The following PRDM10 variants were observed in gnomAD, a reference collection of about 807,000 sequenced individuals.
The protein encoded by PRDM10 is PR/SET domain 10.
A neutral mutation model predicts 133.1 loss-of-function variants in PRDM10; 65 were observed. The observed-to-expected ratio is 0.49, with a 90% CI of 0.40 to 0.60. The LOEUF is 0.60. Among genes scored for constraint, PRDM10 ranks in the 20% least tolerant of loss-of-function variants. The pLI, the probability that PRDM10 is intolerant of heterozygous loss-of-function variation, is 0.00. For missense variants in PRDM10, 1,137 were observed against 1,507.1 expected (o/e 0.75, Z 4.07); for synonymous variants, 582 against 580.4 (o/e 1.00, Z -0.04).
Position 129,967,002 on chromosome 11 carries a change from T to C in PRDM10, c.-118-5920A>G, listed in dbSNP as rs553737496. Reference sequence around the variant, plus strand: ...TATTTCTCTTTATATTTTCCCTCTTTTGTATGCCAAAGAGTGATATGATAA... The same window carrying C: ...TATTTCTCTTTATATTTTCCCTCTTCTGTATGCCAAAGAGTGATATGATAA... On this transcript the variant is annotated intron_variant, in intron 1 of 20. Transcript: ENST00000360871. 4.6e-5 allele frequency among the ~76,000 whole-genome samples: 7 copies of C among 152,316 alleles called. No homozygotes were observed. The South Asian group carries it at 1.5e-3, about 32-fold the overall frequency.
At position 129,914,801 on chromosome 11, in the gene PRDM10, C is replaced by G. The variant is rs1950301983; in HGVS notation, c.2744G>C (p.Gly915Ala). ...TLTTDYRTPQ[G>A]DYQRIQYIPV... Reference sequence around the variant, plus strand: ...GATGTACTGAATTCTCTGGTAATCCCCTTGTGGCGTTCGGTAGTCTGTCGT... The same window carrying G: ...GATGTACTGAATTCTCTGGTAATCCGCTTGTGGCGTTCGGTAGTCTGTCGT... Residue 915 changes from glycine (G) to alanine (A), a missense_variant, in exon 17 of 21, where the codon GGG becomes GCG. Transcript: ENST00000360871. 6.2e-7 allele frequency: 1 copy of G among 1,614,074 alleles called. No homozygotes were observed. Among genetic ancestry groups the G allele is most frequent in the South Asian group, 1.1e-5 (1 of 91,088 alleles).
intron 13 of PRDM10, among the ~76,000 whole-genome samples, chr11:129,920,746 C>A (rs1179638971): frequency 6.6e-6 from 1 of 151,876 alleles, no homozygotes. Context: ...TGAATGGATT[C>A]AAAAGTGTCA....
Position 129,923,253 on chromosome 11 carries a change from A to G in PRDM10, c.2029T>C (p.Phe677Leu), listed in dbSNP as rs746772636. ...GCTGTGCCTTGGTGTCATACCTTAAATTGCTTCCCACAGGTGGAACACAGG... is the reference window on the plus strand; with the variant it reads ...GCTGTGCCTTGGTGTCATACCTTAAGTTGCTTCCCACAGGTGGAACACAGG... Reference protein sequence around the residue: ...DFLCSTCGKQFKRKDKLREHM... With the variant: ...DFLCSTCGKQLKRKDKLREHM... The change falls in exon 13 of 21, where the codon TTT becomes CTT. Residue 677 changes from phenylalanine (F) to leucine (L), a missense_variant. Transcript: ENST00000360871. The surrounding 1 kb of genome is among the most constrained non-coding windows in gnomAD (Gnocchi z 4.4). 5.7e-6 allele frequency: 9 copies of G among 1,579,908 alleles called. No individual in the cohort carries two copies. The highest frequency in any genetic ancestry group is 6.9e-6 in the Non-Finnish European group (8 of 1,161,620).
At chr11:129,975,837 T>C (rs1424161204) in intron 1 of PRDM10, among the ~76,000 whole-genome samples, 1 of 152,202 alleles carries the variant, frequency 6.6e-6, no homozygotes, top group African/African-American at 2.4e-5. Flanking sequence ...CCAAGGTGCC[T>C]GGCACATAGG....
Position 129,923,030 on chromosome 11 carries a change from T to C in PRDM10, c.2034+218A>G, listed in dbSNP as rs1320083743. On this transcript the variant is annotated intron_variant, in intron 13 of 20. Transcript: ENST00000360871. The surrounding 1 kb of genome is among the most constrained non-coding windows in gnomAD (Gnocchi z 4.4). ...CTTTTAGGAGATGATGCATTTTTACTCTACTTGTTTGGGGATTTGAATTAA... is the reference window on the plus strand; with the variant it reads ...CTTTTAGGAGATGATGCATTTTTACCCTACTTGTTTGGGGATTTGAATTAA... Among the ~76,000 whole-genome samples, 1 of 152,244 alleles carries C rather than the reference T, an allele frequency of 6.6e-6. No homozygotes were observed. The highest frequency in any genetic ancestry group is 2.4e-5 in the African/African-American group (1 of 41,468).
chr11:129,914,662 C>T, intron 17 of PRDM10, 42 bp downstream of exon 17: 1 of 1,609,578 alleles, frequency 6.2e-7, no homozygotes, highest in Non-Finnish European at 8.5e-7. Flanking sequence ...CTAGTGGCAA[C>T]ACGGCATTCA....
Position 129,902,639 on chromosome 11 carries a change from T to C in PRDM10, c.3268-123A>G, listed in dbSNP as rs1949878411. On this transcript the variant is annotated intron_variant, in intron 20 of 20. Coordinates refer to ENST00000360871, the MANE Select transcript of PRDM10 (RefSeq NM_199437.2). ...ACCCAAAATAGGCATCTATGAGAGA[T>C]GCTTTGCCTAGGTCCTTTAGAGAGG... is the stretch of plus-strand genomic sequence containing the variant. 3 of 1,423,424 alleles carry C rather than the reference T, an allele frequency of 2.1e-6. No homozygotes were observed. In the East Asian group the frequency reaches 7.5e-5, roughly 36 times the overall value. 88.2% of individuals were successfully genotyped at this position (1,423,424 alleles called of 1,614,324 possible).
chr11:129,951,041 A>G (rs1565491347), intron 4 of PRDM10, among the ~76,000 whole-genome samples: 1 of 152,272 alleles, frequency 6.6e-6, no homozygotes, highest in African/African-American at 2.4e-5. Flanking sequence ...GATATTTACC[A>G]GAAACATGCA....
chr11:129,966,989 T>C (rs1346512830), intron 1 of PRDM10, among the ~76,000 whole-genome samples: 2 of 152,254 alleles, frequency 1.3e-5, no homozygotes, highest in African/African-American at 2.4e-5. Flanking sequence ...TTTCTCTTTA[T>C]ATTTTCCCTC....
intron 11 of PRDM10, among the ~76,000 whole-genome samples, chr11:129,927,798 C>G (rs1434317780): frequency 6.6e-6 from 1 of 152,108 alleles, no homozygotes; most frequent in Non-Finnish European, 1.5e-5. Flanking sequence ...TGTCCCCACC[C>G]GTTGACCCAC....
rs1222938122 is a variant in PRDM10, at chr11:129,950,108, G to A, written c.295-2738C>T. On this transcript the variant is annotated intron_variant, in intron 4 of 20. Coordinates refer to ENST00000360871, the MANE Select transcript of PRDM10 (RefSeq NM_199437.2). ...AAATTTAGCTGGGCAGTGGTGGCAC[G>A]TGCCTGTGGTCCCAGCTACTCAGGA... 6.6e-5 allele frequency among the ~76,000 whole-genome samples: 10 copies of A among 151,916 alleles called. 1 individual carries two copies. The highest frequency in any genetic ancestry group is 3.9e-4 in the Admixed American group (6 of 15,242).
Position 129,917,193 on chromosome 11 carries a change from C to T in PRDM10, c.2259G>A (p.Glu753=). ...SKRHPDMKIE[E]VPELTLPIIK... Reference sequence around the variant, plus strand: ...TGATGGGTAGAGTTAACTCTGGCACCTCTTCTATCTTCATGTCTGGGTGTC... The same window carrying T: ...TGATGGGTAGAGTTAACTCTGGCACTTCTTCTATCTTCATGTCTGGGTGTC... Residue 753 remains glutamate (E), a synonymous_variant, in exon 15 of 21, where the codon GAG becomes GAA. Coordinates refer to ENST00000360871, the MANE Select transcript of PRDM10 (RefSeq NM_199437.2). 1.9e-6 allele frequency: 3 copies of T among 1,613,792 alleles called. No individual in the cohort carries two copies. Among genetic ancestry groups the T allele is most frequent in the Non-Finnish European group, 1.7e-6 (2 of 1,179,740 alleles).
chr11:129,933,161 A>G (rs1377164611), intron 9 of PRDM10, among the ~76,000 whole-genome samples: 3 of 152,374 alleles, frequency 2.0e-5, no homozygotes, highest in African/African-American at 7.2e-5. Context: ...GTACAATGTC[A>G]ATCAGATCAA....
Position 129,944,821 on chromosome 11 carries a change from C to T in PRDM10, c.712G>A (p.Gly238Arg). 6.2e-7 allele frequency: 1 copy of T among 1,614,034 alleles called. No individual in the cohort carries two copies. The highest frequency in any genetic ancestry group is 8.5e-7 in the Non-Finnish European group (1 of 1,180,004). Residue 238 changes from glycine (G) to arginine (R), a missense_variant, in exon 6 of 21, where the codon GGG (glycine) becomes AGG (arginine). By Grantham distance (125) the Gly-to-Arg change is moderately radical. Transcript: ENST00000360871. ...AGCTCCGAGCCCCTGACGAGAGGCC[C>T]CTCCACGGGGCCAAACTGGGTGCGC... is the stretch of plus-strand genomic sequence containing the variant. Reference protein sequence around the residue: ...PKRTQFGPVEGPLVRGSELKD... With the variant: ...PKRTQFGPVERPLVRGSELKD...
At chr11:129,903,690 A>G (rs1949918254) in intron 20 of PRDM10, among the ~76,000 whole-genome samples, 1 of 152,168 alleles carries the variant, frequency 6.6e-6, no homozygotes, top group Non-Finnish European at 1.5e-5. Flanking sequence ...CACTGCCCAG[A>G]AAAGAGCCAT....
At chr11:129,926,472 A>G (rs545946011) in intron 11 of PRDM10, among the ~76,000 whole-genome samples, 55 of 152,356 alleles carry the variant, frequency 3.6e-4, no homozygotes, top group African/African-American at 1.3e-3. Flanking sequence ...TGAAGGATTA[A>G]TGGAGATCTT....
intron 1 of PRDM10, among the ~76,000 whole-genome samples, chr11:129,974,055 C>A (rs1937632816): frequency 6.6e-6 from 1 of 152,238 alleles, no homozygotes; most frequent in Non-Finnish European, 1.5e-5. Flanking sequence ...CTCCAGCTCA[C>A]CAGCAGCTGA....
intron 1 of PRDM10, among the ~76,000 whole-genome samples, chr11:129,981,931 G>C: frequency 6.6e-6 from 1 of 151,676 alleles, no homozygotes; most frequent in Non-Finnish European, 1.5e-5. Context: ...ATATTCCCCT[G>C]ATGGAAATTT....
intron 7 of PRDM10, among the ~76,000 whole-genome samples, chr11:129,942,062 A>G (rs1386959728): frequency 1.3e-5 from 2 of 152,036 alleles, no homozygotes; most frequent in African/African-American, 4.8e-5. Context: ...TGCTCGGCTA[A>G]TTTTTGTATT....
Sources: gnomAD v4.1 joint callset for allele counts (sites outside exome capture counted in the v4.1 genomes callset) on GRCh38, gnomAD v4.1.1 for gene constraint, Gnocchi (gnomAD v3.1) non-coding constraint, MANE v1.5 for transcripts, NCBI Gene and HGNC (gene_info 2026-07-23, HGNC 2026-07-21) for gene names.